The following CNTN5 variants were observed in gnomAD, a reference collection of about 807,000 sequenced individuals.
CNTN5 encodes the protein contactin 5.
Under a neutral mutation model 129.1 loss-of-function variants are expected in CNTN5, and 77 were observed. The ratio of observed to expected loss-of-function variants is 0.60; its 90% confidence interval spans 0.50 to 0.72. The LOEUF (loss-of-function observed/expected upper bound fraction) is 0.72, where lower values mean the gene tolerates loss of function less well. Among genes scored for constraint, CNTN5 ranks in the 30% least tolerant of loss-of-function variants. CNTN5 has a pLI of 0.00. For missense variants in CNTN5, 1,478 were observed against 1,328.8 expected, an observed-to-expected ratio of 1.11 and a Z score of -1.75; for synonymous variants, 509 against 465.6, an observed-to-expected ratio of 1.09 and a Z score of -1.20.
intron 3 of CNTN5, among the ~76,000 whole-genome samples, chr11:99,717,564 A>T (rs964906541): frequency 1.3e-5 from 2 of 152,024 alleles, no homozygotes; most frequent in Non-Finnish European, 2.9e-5. Flanking sequence ...GATTGTTTAA[A>T]TTTTTTAATT....
chr11:99,532,100 G>A (rs973659422), intron 2 of CNTN5, among the ~76,000 whole-genome samples: 2 of 151,898 alleles, frequency 1.3e-5, no homozygotes, highest in African/African-American at 4.8e-5. Flanking sequence ...CCTGAAACCA[G>A]CCAGAAGGGA....
At chr11:100,099,557 TACA>T (rs1281088231) in intron 13 of CNTN5, among the ~76,000 whole-genome samples, 1 of 141,046 alleles carries the variant, frequency 7.1e-6, no homozygotes, top group Non-Finnish European at 1.6e-5. Context: ...AGGGGATAAC[TACA>T]CAAGGCTACC....
chr11:99,883,054 C>A (rs112854202), intron 6 of CNTN5, among the ~76,000 whole-genome samples: 5 of 152,274 alleles, frequency 3.3e-5, no homozygotes, highest in African/African-American at 1.2e-4. Flanking sequence ...TAATCTCATT[C>A]TTTTTTCTTT....
At chr11:99,410,595 A>C (rs80047302) in intron 2 of CNTN5, among the ~76,000 whole-genome samples, 1 of 152,318 alleles carries the variant, frequency 6.6e-6, no homozygotes, top group African/African-American at 2.4e-5. Flanking sequence ...AGAAATAGCT[A>C]AACAGCTGTA....
At chr11:99,980,982 T>C (rs1273940744) in intron 8 of CNTN5, among the ~76,000 whole-genome samples, 2 of 150,856 alleles carry the variant, frequency 1.3e-5, no homozygotes, top group Non-Finnish European at 3.0e-5. Flanking sequence ...GTAACTTTTT[T>C]TCATATACAC....
Position 99,169,268 on chromosome 11 carries a change from C to T in CNTN5, c.-210+147998C>T, listed in dbSNP as rs146145180. Among the ~76,000 whole-genome samples, 843 of 152,006 alleles carry T rather than the reference C, an allele frequency of 5.5e-3. 29 individuals are homozygous for T. Among genetic ancestry groups the T allele is most frequent in the Admixed American group, 0.047 (716 of 15,256 alleles). On this transcript the variant is annotated intron_variant, in intron 1 of 24. Transcript: ENST00000524871. ...AGAGTGATCCCTGAATATTCATATACTAGTAGTTGTAAATAATCTAGAGGT... is the reference window on the plus strand; with the variant it reads ...AGAGTGATCCCTGAATATTCATATATTAGTAGTTGTAAATAATCTAGAGGT...
intron 9 of CNTN5, among the ~76,000 whole-genome samples, chr11:100,058,328 G>A (rs1298968711): frequency 2.0e-5 from 3 of 152,006 alleles, no homozygotes; most frequent in Non-Finnish European, 4.4e-5. Flanking sequence ...AATTTAAGTT[G>A]ATACAGAATA....
intron 6 of CNTN5, among the ~76,000 whole-genome samples, chr11:99,856,790 C>G (rs1162238589): frequency 1.3e-5 from 2 of 152,178 alleles, no homozygotes; most frequent in African/African-American, 4.8e-5. Context: ...CAAATGGCCT[C>G]AAGACCATTT....
chr11:99,828,223 TTA>T (rs967569604), intron 4 of CNTN5, among the ~76,000 whole-genome samples: 3 of 152,282 alleles, frequency 2.0e-5, no homozygotes, highest in African/African-American at 7.2e-5. Context: ...AAAAAAAACT[TTA>T]TGAGCCTTTA....
intron 1 of CNTN5, among the ~76,000 whole-genome samples, chr11:99,210,241 T>C (rs1216736989): frequency 6.6e-6 from 1 of 152,204 alleles, no homozygotes; most frequent in Non-Finnish European, 1.5e-5. Flanking sequence ...GAATCCCCAT[T>C]CCCGTCTTCC....
chr11:99,157,792 G>A (rs897592508), intron 1 of CNTN5, among the ~76,000 whole-genome samples: 3 of 151,994 alleles, frequency 2.0e-5, no homozygotes, highest in Admixed American at 6.6e-5. Flanking sequence ...AAACATAGAA[G>A]ATAAAAAAGA....
At chr11:99,844,996 A>AT (rs1348840820) in intron 5 of CNTN5, 21 bp downstream of exon 5, 1 of 1,612,080 alleles carries the variant, frequency 6.2e-7, no homozygotes. Context: ...ACTGTTAATC[A>AT]TTTTTCTTAA....
chr11:100,175,693 A>G (rs1947944230), intron 13 of CNTN5, among the ~76,000 whole-genome samples: 1 of 152,132 alleles, frequency 6.6e-6, no homozygotes, highest in East Asian at 1.9e-4. Context: ...ATAACCTTGA[A>G]CAAGGTAGTA....
intron 13 of CNTN5, among the ~76,000 whole-genome samples, chr11:100,156,078 T>C (rs1317763647): frequency 2.0e-5 from 3 of 152,304 alleles, no homozygotes; most frequent in South Asian, 4.1e-4. Flanking sequence ...CCTTGTCTTA[T>C]GCTGGTTTTC....
chr11:99,708,012 A>G (rs925128475), intron 3 of CNTN5, among the ~76,000 whole-genome samples: 9 of 149,894 alleles, frequency 6.0e-5, no homozygotes, highest in African/African-American at 2.3e-4. Flanking sequence ...TTATTAATAT[A>G]CTTACTTGAT....
At chr11:99,613,424 G>A (rs562083270) in intron 3 of CNTN5, among the ~76,000 whole-genome samples, 15 of 152,196 alleles carry the variant, frequency 9.9e-5, no homozygotes, top group East Asian at 9.7e-4. Flanking sequence ...CTCCCCAGCC[G>A]TGCTGAACTG....
intron 9 of CNTN5, among the ~76,000 whole-genome samples, chr11:100,011,765 C>T (rs1940548094): frequency 6.6e-6 from 1 of 152,026 alleles, no homozygotes; most frequent in African/African-American, 2.4e-5. Context: ...AATAAAAAGC[C>T]ACTAGTTATC....
At chr11:99,649,756 C>A (rs188074674) in intron 3 of CNTN5, among the ~76,000 whole-genome samples, 2 of 151,756 alleles carry the variant, frequency 1.3e-5, no homozygotes, top group African/African-American at 2.4e-5. Flanking sequence ...TTTTTTCCTA[C>A]AGAGCAAATA....
intron 3 of CNTN5, among the ~76,000 whole-genome samples, chr11:99,770,506 T>C (rs1944907739): frequency 6.6e-6 from 1 of 152,080 alleles, no homozygotes. Context: ...TGTCTGTATA[T>C]AGTGAACAGG....
Sources: allele counts gnomAD v4.1 joint callset (sites outside exome capture counted in the v4.1 genomes callset), GRCh38; gene constraint gnomAD v4.1.1; transcripts MANE v1.5; gene names NCBI Gene and HGNC (gene_info 2026-07-23, HGNC 2026-07-21).